Variants in GFRAL observed in about 807,000 individuals in gnomAD.
GFRAL encodes GDNF family receptor alpha like.
A neutral mutation model predicts 45.4 loss-of-function variants in GFRAL; 36 were observed. The observed-to-expected ratio is 0.79, with a 90% CI of 0.61 to 1.05. The LOEUF (loss-of-function observed/expected upper bound fraction) is 1.05, where lower values mean the gene tolerates loss of function less well. Ranked by LOEUF, GFRAL falls within the 50% of genes least tolerant of loss-of-function variation. The pLI is 0.00. For missense variants in GFRAL, 507 were observed against 467.5 expected (o/e 1.08, Z -0.78); for synonymous variants, 166 against 154.1 (o/e 1.08, Z -0.57).
intron 3 of GFRAL, among the ~76,000 whole-genome samples, chr6:55,345,446 G>A (rs1768027382): frequency 6.6e-6 from 1 of 152,172 alleles, no homozygotes; most frequent in Non-Finnish European, 1.5e-5. Context: ...AATCGGGAAA[G>A]GATTCCCTGT....
chr6:55,362,934 T>A (rs1284597380), intron 6 of GFRAL, among the ~76,000 whole-genome samples: 2 of 125,924 alleles, frequency 1.6e-5, no homozygotes, highest in East Asian at 2.3e-4. Context: ...GGAGAAGAAG[T>A]AGGAGGAGAG....
intron 6 of GFRAL, among the ~76,000 whole-genome samples, chr6:55,377,019 A>G (rs1768544187): frequency 1.3e-5 from 2 of 151,882 alleles, no homozygotes; most frequent in African/African-American, 4.8e-5. Flanking sequence ...ACCTGAGCTC[A>G]TGTCTCTTTT....
chr6:55,327,698 A>T (rs1455592417), intron 1 of GFRAL, 122 bp downstream of exon 1: 2 of 879,440 alleles, frequency 2.3e-6, no homozygotes, highest in African/African-American at 3.4e-5. Flanking sequence ...TAAATTACAA[A>T]TTTATGCTTT....
chr6:55,397,001 C>G (rs1339407282), intron 6 of GFRAL, among the ~76,000 whole-genome samples: 1 of 151,426 alleles, frequency 6.6e-6, no homozygotes, highest in Non-Finnish European at 1.5e-5. Flanking sequence ...ACCTCAGCCT[C>G]CAGAGAAGTT....
At chr6:55,342,961 G>C (rs372083136) in intron 3 of GFRAL, among the ~76,000 whole-genome samples, 1,966 of 152,020 alleles carry the variant, frequency 0.013, 21 homozygotes, top group Non-Finnish European at 0.021. Context: ...GGGATCAATT[G>C]AACAAGAAGA....
chr6:55,395,838 G>C (rs954701536), intron 6 of GFRAL, among the ~76,000 whole-genome samples: 8 of 151,496 alleles, frequency 5.3e-5, no homozygotes, highest in African/African-American at 1.9e-4. Context: ...AGCTCATTTG[G>C]GGAGAATATT....
intron 3 of GFRAL, among the ~76,000 whole-genome samples, chr6:55,342,440 G>T (rs1767981177): frequency 6.6e-6 from 1 of 151,996 alleles, no homozygotes; most frequent in Non-Finnish European, 1.5e-5. Flanking sequence ...CATAAGTGAA[G>T]GAGAAATAAA....
chr6:55,341,820 G>A (rs889517942), intron 3 of GFRAL, among the ~76,000 whole-genome samples: 4 of 152,116 alleles, frequency 2.6e-5, no homozygotes, highest in African/African-American at 4.8e-5. Flanking sequence ...GTATAGAGAA[G>A]TCCTTAAATG....
intron 6 of GFRAL, among the ~76,000 whole-genome samples, chr6:55,360,644 C>T (rs541988912): frequency 5.3e-5 from 8 of 151,816 alleles, no homozygotes; most frequent in East Asian, 3.9e-4. Flanking sequence ...ACTGAAATCA[C>T]GATACAGAGA....
intron 3 of GFRAL, among the ~76,000 whole-genome samples, chr6:55,347,665 T>G (rs949140419): frequency 6.6e-6 from 1 of 152,180 alleles, no homozygotes; most frequent in African/African-American, 2.4e-5. Flanking sequence ...AAACACATTC[T>G]AATGATATCG....
chr6:55,370,738 G>A (rs1292612925), intron 6 of GFRAL, among the ~76,000 whole-genome samples: 1 of 152,140 alleles, frequency 6.6e-6, no homozygotes, highest in Non-Finnish European at 1.5e-5. Flanking sequence ...ATGGACATGT[G>A]GCCAATGTAG....
intron 6 of GFRAL, among the ~76,000 whole-genome samples, chr6:55,383,657 A>G (rs1366935008): frequency 1.3e-5 from 2 of 151,968 alleles, no homozygotes; most frequent in East Asian, 3.9e-4. Flanking sequence ...CTAATGATGC[A>G]TTTCTCAGAA....
intron 6 of GFRAL, among the ~76,000 whole-genome samples, chr6:55,361,304 G>A (rs181319815): frequency 1.6e-4 from 24 of 152,028 alleles, no homozygotes; most frequent in African/African-American, 5.5e-4. Flanking sequence ...ATTGGTTCCA[G>A]GACTCAAATG....
intron 6 of GFRAL, among the ~76,000 whole-genome samples, chr6:55,360,820 C>T (rs1271429304): frequency 6.6e-6 from 1 of 151,820 alleles, no homozygotes; most frequent in East Asian, 1.9e-4. Context: ...GTAATATATA[C>T]AGTTATATAA....
intron 6 of GFRAL, among the ~76,000 whole-genome samples, chr6:55,390,358 C>G (rs563243445): frequency 1.3e-5 from 2 of 152,178 alleles, no homozygotes; most frequent in African/African-American, 4.8e-5. Flanking sequence ...AGATTGATTT[C>G]TAGGTCATGC....
chr6:55,332,392 G>A (rs967674571), intron 2 of GFRAL, among the ~76,000 whole-genome samples: 1 of 151,726 alleles, frequency 6.6e-6, no homozygotes, highest in Non-Finnish European at 1.5e-5. Flanking sequence ...TGTGAAGATT[G>A]GAGAGTGACT....
chr6:55,336,495 G>C (rs2127350759), intron 3 of GFRAL, among the ~76,000 whole-genome samples: 1 of 152,158 alleles, frequency 6.6e-6, no homozygotes, highest in African/African-American at 2.4e-5. Flanking sequence ...TCAGGTTTTG[G>C]TGCTGTTACA....
intron 5 of GFRAL, among the ~76,000 whole-genome samples, chr6:55,351,893 C>G (rs1390485252): frequency 6.6e-6 from 1 of 150,774 alleles, no homozygotes; most frequent in African/African-American, 2.4e-5. Flanking sequence ...ACTTACATAT[C>G]AGCTTTTTAA....
chr6:55,358,878 C>G lies in GFRAL; in HGVS notation c.702-10C>G. The G allele has an allele frequency of 6.2e-7, 1 of 1,609,304 alleles. No individual in the cohort carries two copies. The highest frequency in any genetic ancestry group is 8.5e-7 in the Non-Finnish European group (1 of 1,176,900). ...TCAAAACTAATTATTTTTCTTCACT[C>G]TTTCTCTAGGAGGCACTATAGAACA... On this transcript the variant is annotated splice_polypyrimidine_tract_variant and intron_variant, in intron 5 of 8. Coordinates refer to ENST00000340465, the MANE Select transcript of GFRAL (RefSeq NM_207410.2).
Sources: allele counts gnomAD v4.1 joint callset (sites outside exome capture counted in the v4.1 genomes callset), GRCh38; gene constraint gnomAD v4.1.1; transcripts MANE v1.5; gene names NCBI Gene and HGNC (gene_info 2026-07-23, HGNC 2026-07-21).